GALNT13: variants seen among roughly 807,000 people sequenced by gnomAD.
GALNT13 encodes the protein UDP-GalNAc:polypeptide N-acetylgalactosaminyltransferase 13.
Under a neutral mutation model 64.2 loss-of-function variants are expected in GALNT13, and 28 were observed. The ratio of observed to expected loss-of-function variants is 0.44; its 90% CI spans 0.32 to 0.60. GALNT13 has a LOEUF of 0.60. Ranked by LOEUF, GALNT13 falls within the 20% of genes least tolerant of loss-of-function variation. The probability of loss-of-function intolerance (pLI) is 0.05; values close to 1 mark genes in which losing one functional copy is unlikely to be tolerated. For synonymous variants in GALNT13, 214 were observed against 224.6 expected, an observed-to-expected ratio of 0.95 and a Z score of 0.42; for missense variants, 577 against 669.8, an observed-to-expected ratio of 0.86 and a Z score of 1.53.
chr2:153,631,152 A>T, the GALNT13 span, among the ~76,000 whole-genome samples: 2 of 151,924 alleles, frequency 1.3e-5, no homozygotes, highest in Admixed American at 1.3e-4. Context: ...ATCATTTTTT[A>T]TGGCTGCATA....
the GALNT13 span, among the ~76,000 whole-genome samples, chr2:153,519,032 T>C: frequency 6.6e-6 from 1 of 152,174 alleles, no homozygotes. Context: ...TCATTCTATA[T>C]ATGTTAAATT....
chr2:153,778,155 T>C, the GALNT13 span, among the ~76,000 whole-genome samples: 54,599 of 152,024 alleles, frequency 0.36, 10,376 homozygotes, highest in African/African-American at 0.44. Flanking sequence ...CTGGTGTGCT[T>C]CTATGCCGGT....
intron 3 of GALNT13, among the ~76,000 whole-genome samples, chr2:154,126,015 AG>A (rs1682238717): frequency 6.6e-6 from 1 of 152,088 alleles, no homozygotes; most frequent in Non-Finnish European, 1.5e-5. Flanking sequence ...TTCAGGAGGG[AG>A]CACATGAGGT....
At chr2:154,294,417 T>C (rs144225696) in intron 8 of GALNT13, among the ~76,000 whole-genome samples, 4 of 152,338 alleles carry the variant, frequency 2.6e-5, no homozygotes, top group African/African-American at 4.8e-5. Context: ...AGTGAGACCA[T>C]TGGAACCCTA....
the GALNT13 span, among the ~76,000 whole-genome samples, chr2:153,172,424 ACT>A: frequency 6.6e-6 from 1 of 151,966 alleles, no homozygotes; most frequent in East Asian, 1.9e-4. Context: ...GGATGAAGAG[ACT>A]CTGTATTAAA....
chr2:153,478,365 G>T, the GALNT13 span: 2 of 1,613,432 alleles, frequency 1.2e-6, no homozygotes, highest in Non-Finnish European at 8.5e-7. Flanking sequence ...AGACCACGGT[G>T]AGTGAGAGCA....
chr2:154,286,731 C>G, intron 8 of GALNT13: 1 of 315,360 alleles, frequency 3.2e-6, no homozygotes, highest in Non-Finnish European at 6.3e-6. Context: ...GCATACAGGA[C>G]ATTGTGGTAC....
chr2:153,331,898 C>A, the GALNT13 span, among the ~76,000 whole-genome samples: 4 of 152,198 alleles, frequency 2.6e-5, no homozygotes, highest in East Asian at 5.8e-4. Flanking sequence ...CTGTTTCAAT[C>A]TTGGGAGATT....
intron 2 of GALNT13, among the ~76,000 whole-genome samples, chr2:153,939,138 G>A (rs1363607283): frequency 6.6e-6 from 1 of 152,168 alleles, no homozygotes; most frequent in African/African-American, 2.4e-5. Context: ...AAGACAGTGA[G>A]TAAGGTGTGT....
At chr2:153,144,870 A>T in the GALNT13 span, among the ~76,000 whole-genome samples, 1 of 151,862 alleles carries the variant, frequency 6.6e-6, no homozygotes, top group Non-Finnish European at 1.5e-5. Flanking sequence ...TCACTTGCTT[A>T]TAAGAGGGGT....
chr2:153,442,020 G>T, the GALNT13 span, among the ~76,000 whole-genome samples: 57,099 of 151,782 alleles, frequency 0.38, 11,569 homozygotes, highest in Non-Finnish European at 0.47. Flanking sequence ...ATCTTGTCTT[G>T]TGCCAGTTTT....
At chr2:153,269,343 A>C in the GALNT13 span, among the ~76,000 whole-genome samples, 1 of 152,182 alleles carries the variant, frequency 6.6e-6, no homozygotes, top group Non-Finnish European at 1.5e-5. Flanking sequence ...ACAGATCTCT[A>C]GAGCAGAGGT....
At chr2:154,240,848 T>G (rs912456247) in intron 4 of GALNT13, among the ~76,000 whole-genome samples, 4 of 152,128 alleles carry the variant, frequency 2.6e-5, no homozygotes, top group African/African-American at 9.7e-5. Flanking sequence ...TGCAAGGTTT[T>G]ATTGAGTGGA....
chr2:153,088,055 C>G, the GALNT13 span, among the ~76,000 whole-genome samples: 1 of 151,676 alleles, frequency 6.6e-6, no homozygotes, highest in Non-Finnish European at 1.5e-5. Flanking sequence ...GAGGTGTAAC[C>G]TTAGACTGTT....
chr2:153,556,689 AAACTGTTT>A, the GALNT13 span, among the ~76,000 whole-genome samples: 1 of 152,214 alleles, frequency 6.6e-6, no homozygotes, highest in Non-Finnish European at 1.5e-5. Flanking sequence ...AAAAGAGGGA[AAACTGTTT>A]AACTGGAAAA....
At chr2:153,886,091 T>A (rs138906872) in intron 1 of GALNT13, among the ~76,000 whole-genome samples, 1 of 151,770 alleles carries the variant, frequency 6.6e-6, no homozygotes, top group African/African-American at 2.4e-5. Flanking sequence ...AAAAATATAT[T>A]GTGGAAAACT....
intron 3 of GALNT13, among the ~76,000 whole-genome samples, chr2:153,973,792 T>A (rs1384605331): frequency 1.3e-5 from 2 of 151,996 alleles, no homozygotes; most frequent in Admixed American, 1.3e-4. Flanking sequence ...TTTAAGTAAG[T>A]TTTTTAGGTT....
chr2:153,208,549 G>A, the GALNT13 span, among the ~76,000 whole-genome samples: 1 of 152,030 alleles, frequency 6.6e-6, no homozygotes, highest in Admixed American at 6.6e-5. Flanking sequence ...TTGTTTATCT[G>A]GTTGATCGGC....
intron 3 of GALNT13, among the ~76,000 whole-genome samples, chr2:154,115,098 C>A (rs1401125311): frequency 2.0e-5 from 3 of 152,174 alleles, no homozygotes; most frequent in African/African-American, 7.2e-5. Flanking sequence ...CTTCTAGACA[C>A]TCCCAGCCGG....
Sources: gnomAD v4.1 joint callset for allele counts (sites outside exome capture counted in the v4.1 genomes callset) on GRCh38, gnomAD v4.1.1 for gene constraint, MANE v1.5 for transcripts, NCBI Gene and HGNC (gene_info 2026-07-23, HGNC 2026-07-21) for gene names.